The following CDH23 variants were observed in gnomAD, a reference collection of about 807,000 sequenced individuals.
The protein encoded by CDH23 is cadherin-23.
CDH23 carries 189 observed loss-of-function variants against 317.1 expected under a neutral mutation model. The ratio of observed to expected loss-of-function variants is 0.60; its 90% CI spans 0.53 to 0.67. The LOEUF (loss-of-function observed/expected upper bound fraction) is 0.67. Ranked by LOEUF, CDH23 falls within the 30% of genes least tolerant of loss-of-function variation. The pLI is 0.00. For missense variants in CDH23, 4,401 were observed against 4,592.4 expected (o/e 0.96, Z 1.20); for synonymous variants, 1,839 against 1,876.8 (o/e 0.98, Z 0.52).
intron 18 of CDH23, among the ~76,000 whole-genome samples, chr10:71,684,165 T>C (rs1864777189): frequency 6.7e-6 from 1 of 149,986 alleles, no homozygotes; most frequent in Admixed American, 6.6e-5. Context: ...ACACCGAGGG[T>C]AGGGAACGAT....
At chr10:71,582,776 G>A (rs1234187035) in intron 9 of CDH23, among the ~76,000 whole-genome samples, 1 of 152,188 alleles carries the variant, frequency 6.6e-6, no homozygotes, top group African/African-American at 2.4e-5. Flanking sequence ...CCTTCCCTGG[G>A]CCAGGAGCTG....
At chr10:71,757,077 C>T (rs184243801) in intron 38 of CDH23, among the ~76,000 whole-genome samples, 1 of 152,248 alleles carries the variant, frequency 6.6e-6, no homozygotes, top group African/African-American at 2.4e-5. Flanking sequence ...AAAGTAAAGA[C>T]ATTCTATAAC....
intron 1 of CDH23, 60 bp from the exon 2 acceptor site, chr10:71,439,767 G>A (rs1849785642): frequency 7.8e-7 from 1 of 1,284,804 alleles, no homozygotes; most frequent in Non-Finnish European, 1.1e-6. Flanking sequence ...AGGGGCTGAG[G>A]AGCAGACCCT....
At chr10:71,812,052 G>C (rs1172568068) in intron 66 of CDH23, 37 bp downstream of exon 66, 1 of 1,613,928 alleles carries the variant, frequency 6.2e-7, no homozygotes, top group Non-Finnish European at 8.5e-7. Flanking sequence ...TCCCCTGCGG[G>C]GAGTCCTGCC....
intron 9 of CDH23, among the ~76,000 whole-genome samples, chr10:71,587,232 C>T (rs1365987251): frequency 6.6e-6 from 1 of 152,190 alleles, no homozygotes; most frequent in Non-Finnish European, 1.5e-5. Context: ...TTTTTTCCTG[C>T]TATTGTTTGC....
chr10:71,634,097 C>A (rs973038217), intron 11 of CDH23, among the ~76,000 whole-genome samples: 4 of 152,246 alleles, frequency 2.6e-5, no homozygotes, highest in African/African-American at 9.6e-5. Flanking sequence ...GGAGAGCCAG[C>A]TCCCAGCTCT....
chr10:71,425,538 G>A (rs982451197), intron 1 of CDH23, among the ~76,000 whole-genome samples: 7 of 152,190 alleles, frequency 4.6e-5, no homozygotes, highest in East Asian at 1.9e-4. Context: ...AGCCAGCCCC[G>A]CCCATCTGCA....
chr10:71,463,503 A>G (rs1445093024), intron 3 of CDH23, among the ~76,000 whole-genome samples: 2 of 152,196 alleles, frequency 1.3e-5, no homozygotes, highest in Non-Finnish European at 2.9e-5. Flanking sequence ...CTGCTCCAGA[A>G]GGCACCTTTC....
At chr10:71,460,710 C>T (rs1850935272) in intron 3 of CDH23, among the ~76,000 whole-genome samples, 1 of 152,188 alleles carries the variant, frequency 6.6e-6, no homozygotes. Flanking sequence ...CCAGCCTCAT[C>T]GCGGTGCCAA....
At chr10:71,416,267 C>T (rs547653671) in intron 1 of CDH23, among the ~76,000 whole-genome samples, 6 of 152,226 alleles carry the variant, frequency 3.9e-5, no homozygotes, top group East Asian at 3.9e-4. Flanking sequence ...TCAAGTGATC[C>T]GCCCGCCTTG....
In CDH23 at chr10:71,626,492, C is replaced by T. The variant is rs1196179640; in HGVS notation, c.1134+9099C>T. On this transcript the variant is annotated intron_variant, in intron 11 of 69. Transcript: ENST00000224721. ...TCTGGACCACACTGTTCAACTGAGC[C>T]CCAGAAATGTACACCCCAGCATCTG... Among the ~76,000 whole-genome samples the T allele has an allele frequency of 2.0e-5, 3 of 152,236 alleles. No homozygotes were observed. The East Asian group carries it at 5.8e-4, about 29-fold the overall frequency.
chr10:71,471,229 C>T (rs1851492869), intron 3 of CDH23, among the ~76,000 whole-genome samples: 1 of 152,234 alleles, frequency 6.6e-6, no homozygotes, highest in Admixed American at 6.5e-5. Flanking sequence ...CCGGCTCTTG[C>T]TCCCACCACA....
At chr10:71,738,048 C>T (rs1324992103) in intron 34 of CDH23, among the ~76,000 whole-genome samples, 1 of 152,244 alleles carries the variant, frequency 6.6e-6, no homozygotes, top group Non-Finnish European at 1.5e-5. Context: ...GTGTTTTGGA[C>T]AGCCCACACA....
At chr10:71,635,783 G>A (rs1180340207) in intron 11 of CDH23, among the ~76,000 whole-genome samples, 6 of 152,174 alleles carry the variant, frequency 3.9e-5, no homozygotes, top group African/African-American at 1.2e-4. Flanking sequence ...ACAGGCTGCT[G>A]TAACAAACTA....
At chr10:71,479,414 G>A (rs1851957867) in intron 3 of CDH23, among the ~76,000 whole-genome samples, 1 of 152,158 alleles carries the variant, frequency 6.6e-6, no homozygotes, top group South Asian at 2.1e-4. Flanking sequence ...GAATCCCGCA[G>A]GAAAGCAGGA....
Position 71,751,651 on chromosome 10 carries a change from G to T in CDH23, c.4845+9730G>T. On this transcript the variant is annotated intron_variant, in intron 38 of 69. Coordinates refer to ENST00000224721, the MANE Select transcript of CDH23 (RefSeq NM_022124.6). This position sits in a 1 kb window ranked among gnomAD's most constrained non-coding sequence, Gnocchi z 4.9. ...ACCTTACAGGTCATCGTGCTGTGAA[G>T]GTCAGGAAACACTTACCCAGGGATG... is the stretch of plus-strand genomic sequence containing the variant. The T allele has an allele frequency of 4.6e-6, 7 of 1,519,244 alleles. No homozygotes were observed. Among genetic ancestry groups the T allele is most frequent in the Non-Finnish European group, 6.2e-6 (7 of 1,134,330 alleles). 94.1% of individuals were successfully genotyped at this position (1,519,244 alleles called of 1,614,324 possible).
chr10:71,806,999 G>A (rs1841750356), intron 57 of CDH23, among the ~76,000 whole-genome samples: 1 of 152,242 alleles, frequency 6.6e-6, no homozygotes, highest in South Asian at 2.1e-4. Context: ...ACTGCTGAGT[G>A]TGAGTGCATA....
intron 9 of CDH23, among the ~76,000 whole-genome samples, chr10:71,590,434 AC>A (rs1231025855): frequency 6.6e-6 from 1 of 150,956 alleles, no homozygotes; most frequent in Non-Finnish European, 1.5e-5. Flanking sequence ...TGCCCCTCCT[AC>A]CCCCTTTGAC....
chr10:71,666,780 C>T (rs1239407788), intron 14 of CDH23, among the ~76,000 whole-genome samples: 1 of 152,146 alleles, frequency 6.6e-6, no homozygotes, highest in Non-Finnish European at 1.5e-5. Context: ...CGGGTTCCTG[C>T]AGCAGAGTCC....
Sources: gnomAD v4.1 joint callset for allele counts (sites outside exome capture counted in the v4.1 genomes callset) on GRCh38, gnomAD v4.1.1 for gene constraint, Gnocchi (gnomAD v3.1) non-coding constraint, MANE v1.5 for transcripts, NCBI Gene and HGNC (gene_info 2026-07-23, HGNC 2026-07-21) for gene names.